TTC7B: variants seen among roughly 807,000 people sequenced by gnomAD.
The protein encoded by TTC7B is tetratricopeptide repeat domain 7B.
A neutral mutation model predicts 106.8 loss-of-function variants in TTC7B; 28 were observed. The observed-to-expected ratio is 0.26, with a 90% confidence interval of 0.19 to 0.36. The LOEUF (loss-of-function observed/expected upper bound fraction) is 0.36, where lower values mean the gene tolerates loss of function less well. TTC7B is among the 10% of genes least tolerant of loss of function. The pLI is 1.00. For missense variants in TTC7B, 862 were observed against 1,076.4 expected, an observed-to-expected ratio of 0.80 and a Z score of 2.79; for synonymous variants, 405 against 430.6, an observed-to-expected ratio of 0.94 and a Z score of 0.74.
At chr14:90,569,286 G>A (rs568017065) in intron 19 of TTC7B, among the ~76,000 whole-genome samples, 9 of 152,310 alleles carry the variant, frequency 5.9e-5, no homozygotes, top group Non-Finnish European at 1.2e-4. Context: ...CCCTCTCCCC[G>A]GACCAGGATG....
intron 4 of TTC7B, among the ~76,000 whole-genome samples, chr14:90,741,896 A>G (rs2139999594): frequency 6.6e-6 from 1 of 152,290 alleles, no homozygotes; most frequent in South Asian, 2.1e-4. Flanking sequence ...GCTTGCTGAA[A>G]TCTGGGGAGG....
chr14:90,720,024 C>CT (rs35375863), intron 5 of TTC7B, among the ~76,000 whole-genome samples: 85 of 144,832 alleles, frequency 5.9e-4, no homozygotes, highest in South Asian at 1.8e-3. Flanking sequence ...ATGCACAGAC[C>CT]TTTTTTTTTT....
At position 90,657,467 on chromosome 14, in the gene TTC7B, C is replaced by T. The variant is rs1885999114; in HGVS notation, c.1237-189G>A. ...GGCTTCTGAGTGACTGGGGAGTACACTGGGTTAAAAGCCAGCAGGAATGCT... is the reference window on the plus strand; with the variant it reads ...GGCTTCTGAGTGACTGGGGAGTACATTGGGTTAAAAGCCAGCAGGAATGCT... On this transcript the variant is annotated intron_variant, in intron 10 of 19. Transcript: ENST00000328459. The surrounding 1 kb of genome is among the most constrained non-coding windows in gnomAD (Gnocchi z 4.2). 3.7e-6 allele frequency: 2 copies of T among 534,042 alleles called. No homozygotes were observed. The highest frequency in any genetic ancestry group is 6.7e-6 in the Non-Finnish European group (2 of 300,466). 33.1% of individuals were successfully genotyped at this position (534,042 alleles called of 1,614,324 possible). A position where few individuals can be genotyped will look rare whatever the true frequency, so the allele number is the denominator to read the frequency against.
rs1028935524 is a variant in TTC7B, at chr14:90,546,763, C to T, written c.2311-5174G>A. Among the ~76,000 whole-genome samples, 6 of 152,230 alleles carry T rather than the reference C, an allele frequency of 3.9e-5. No homozygotes were observed. The South Asian group carries it at 6.2e-4, about 16-fold the overall frequency. On this transcript the variant is annotated intron_variant, in intron 19 of 19. Coordinates refer to ENST00000328459, the MANE Select transcript of TTC7B (RefSeq NM_001010854.2). ...CCATATCAAACCCAACAAAACCCAC[C>T]GAGTGATTGCTTGGTGCTGGATAGA...
At chr14:90,710,453 T>C (rs1432071989) in intron 5 of TTC7B, among the ~76,000 whole-genome samples, 1 of 152,250 alleles carries the variant, frequency 6.6e-6, no homozygotes, top group Non-Finnish European at 1.5e-5. Flanking sequence ...ATCAACTTAG[T>C]TGATAAGACA....
chr14:90,565,079 C>T (rs923994335), intron 19 of TTC7B, among the ~76,000 whole-genome samples: 11 of 152,206 alleles, frequency 7.2e-5, no homozygotes, highest in African/African-American at 2.7e-4. Context: ...TAGCTTCCAA[C>T]TTTTCTTCTG....
At chr14:90,787,333 A>G (rs1423265622) in intron 1 of TTC7B, among the ~76,000 whole-genome samples, 1 of 152,230 alleles carries the variant, frequency 6.6e-6, no homozygotes, top group African/African-American at 2.4e-5. Context: ...ACTCTTCTGA[A>G]TAAACCCAGA....
intron 1 of TTC7B, among the ~76,000 whole-genome samples, chr14:90,801,848 G>A (rs1279691734): frequency 1.3e-5 from 2 of 152,140 alleles, no homozygotes; most frequent in Non-Finnish European, 2.9e-5. Flanking sequence ...ATCACCTGAG[G>A]TCAGGAGTTC....
At chr14:90,701,475 A>G (rs1280143969) in intron 5 of TTC7B, among the ~76,000 whole-genome samples, 1 of 152,006 alleles carries the variant, frequency 6.6e-6, no homozygotes, top group Non-Finnish European at 1.5e-5. Context: ...TCCTTCCAAC[A>G]GGCGTGCACA....
intron 1 of TTC7B, among the ~76,000 whole-genome samples, chr14:90,795,581 G>A (rs574357363): frequency 1.4e-4 from 22 of 152,228 alleles, no homozygotes; most frequent in Non-Finnish European, 2.5e-4. Context: ...CTCGCTAGCC[G>A]TGTGGCACTG....
chr14:90,563,767 A>G (rs901542741), intron 19 of TTC7B, among the ~76,000 whole-genome samples: 1 of 152,210 alleles, frequency 6.6e-6, no homozygotes, highest in African/African-American at 2.4e-5. Context: ...ATAATATTCT[A>G]AATTCAACAA....
At chr14:90,669,714 A>G (rs1886559516) in intron 9 of TTC7B, among the ~76,000 whole-genome samples, 1 of 152,202 alleles carries the variant, frequency 6.6e-6, no homozygotes, top group Admixed American at 6.5e-5. Flanking sequence ...AAGAAAATCA[A>G]TCCCACAATG....
intron 4 of TTC7B, among the ~76,000 whole-genome samples, chr14:90,739,019 T>C (rs1889656105): frequency 2.6e-5 from 4 of 152,152 alleles, no homozygotes. Flanking sequence ...AGCAAAACCC[T>C]GCCTCAAAAC....
intron 3 of TTC7B, among the ~76,000 whole-genome samples, chr14:90,751,790 C>A (rs1207900413): frequency 6.6e-6 from 1 of 152,080 alleles, no homozygotes; most frequent in African/African-American, 2.4e-5. Context: ...TGCTTTCAAA[C>A]CCCTTCCATG....
chr14:90,710,131 G>T (rs1431004993), intron 5 of TTC7B, among the ~76,000 whole-genome samples: 1 of 151,578 alleles, frequency 6.6e-6, no homozygotes, highest in Non-Finnish European at 1.5e-5. Context: ...GTGATTCATG[G>T]GAGGACATCC....
chr14:90,718,049 C>T (rs1888729885), intron 5 of TTC7B, among the ~76,000 whole-genome samples: 1 of 152,210 alleles, frequency 6.6e-6, no homozygotes, highest in Admixed American at 6.5e-5. Context: ...AATGGTCTGC[C>T]CTTGAGGGGC....
intron 7 of TTC7B, among the ~76,000 whole-genome samples, chr14:90,685,104 G>A (rs1181379590): frequency 1.3e-5 from 2 of 152,138 alleles, no homozygotes; most frequent in South Asian, 2.1e-4. Context: ...TTCCTGGCAG[G>A]GATTGTTTTT....
intron 18 of TTC7B, among the ~76,000 whole-genome samples, chr14:90,588,884 A>G (rs1363418890): frequency 7.0e-6 from 1 of 142,006 alleles, no homozygotes; most frequent in African/African-American, 2.8e-5. Context: ...ACAAACAAAA[A>G]CTAAAAAAAA....
chr14:90,708,162 A>AT (rs1256397231), intron 5 of TTC7B, among the ~76,000 whole-genome samples: 2 of 151,496 alleles, frequency 1.3e-5, no homozygotes, highest in African/African-American at 4.8e-5. Context: ...AAAAAAAAAA[A>AT]AAAAAAAAGT....
Sources: gnomAD v4.1 joint callset for allele counts (sites outside exome capture counted in the v4.1 genomes callset) on GRCh38, gnomAD v4.1.1 for gene constraint, Gnocchi (gnomAD v3.1) non-coding constraint, MANE v1.5 for transcripts, NCBI Gene and HGNC (gene_info 2026-07-23, HGNC 2026-07-21) for gene names.